The following MGRN1 variants were observed in gnomAD, a reference collection of about 807,000 sequenced individuals.
MGRN1 encodes the protein mahogunin ring finger 1, also known as E3 ubiquitin-protein ligase MGRN1.
In MGRN1, 29 loss-of-function variants were observed where a neutral mutation model predicts 69.2. The ratio of observed to expected loss-of-function variants is 0.42; its 90% CI spans 0.31 to 0.57. The LOEUF (loss-of-function observed/expected upper bound fraction) is 0.57. Ranked by LOEUF, MGRN1 falls within the 20% of genes least tolerant of loss-of-function variation. MGRN1 has a pLI of 0.15. For missense variants in MGRN1, 998 were observed against 796.2 expected (o/e 1.25, Z -3.05); for synonymous variants, 470 against 344.2 (o/e 1.37, Z -4.04).
In MGRN1 at chr16:4,673,665, C is replaced by T. The variant is rs1596308394; in HGVS notation, c.955+8C>T. ...GCCCCATCTGCCGGCTGCGTGAGTTCCCCGGCCGGCTGTTCTGTGGAAGGT... is the reference window on the plus strand; with the variant it reads ...GCCCCATCTGCCGGCTGCGTGAGTTTCCCGGCCGGCTGTTCTGTGGAAGGT... On this transcript the variant is annotated splice_region_variant and intron_variant, in intron 10 of 16. Transcript: ENST00000262370. 3 of 1,611,862 alleles carry T rather than the reference C, an allele frequency of 1.9e-6. No homozygotes were observed. The highest frequency in any genetic ancestry group is 2.5e-6 in the Non-Finnish European group (3 of 1,179,476).
chr16:4,649,853 A>C (rs2078361601), intron 1 of MGRN1: 1 of 154,778 alleles, frequency 6.5e-6, no homozygotes, highest in African/African-American at 2.4e-5. Context: ...CCAGGAGGCC[A>C]CCTTGGAAGG....
chr16:4,672,313 C>G (rs1276082651), intron 9 of MGRN1: 1 of 456,280 alleles, frequency 2.2e-6, no homozygotes, highest in Non-Finnish European at 4.4e-6. Flanking sequence ...TCCCAAAGTG[C>G]TGGGATTTCA....
chr16:4,688,788 A>G lies in MGRN1; in HGVS notation c.1619-8A>G. The G allele has an allele frequency of 6.5e-7, 1 of 1,539,022 alleles. No individual in the cohort carries two copies. The highest frequency in any genetic ancestry group is 8.8e-7 in the Non-Finnish European group (1 of 1,137,896). On this transcript the variant is annotated splice_polypyrimidine_tract_variant and splice_region_variant and intron_variant, in intron 16 of 16. Coordinates refer to ENST00000262370, the MANE Select transcript of MGRN1 (RefSeq NM_015246.4). Reference sequence around the variant, plus strand: ...GTGTGACCCTCCTCCCTCTGCTCCCACCTGCAGGACGGCCCACCTCCATGG... The same window carrying G: ...GTGTGACCCTCCTCCCTCTGCTCCCGCCTGCAGGACGGCCCACCTCCATGG...
intron 11 of MGRN1, among the ~76,000 whole-genome samples, chr16:4,679,326 TGAGTGAGCTGGGCGGCCGGGGTCC>T (rs1166855119): frequency 2.0e-5 from 3 of 152,176 alleles, no homozygotes; most frequent in African/African-American, 7.2e-5. Flanking sequence ...CCTCTTATGC[TGAGTGAGCTGGGCGGCCGGGGTCC>T]GAGGTGTGAC....
chr16:4,684,624 G>T (rs1270102362), intron 16 of MGRN1, among the ~76,000 whole-genome samples: 1 of 152,268 alleles, frequency 6.6e-6, no homozygotes, highest in Non-Finnish European at 1.5e-5. Flanking sequence ...CTTTCCCGGA[G>T]GCTCGGGCCC....
intron 1 of MGRN1, among the ~76,000 whole-genome samples, chr16:4,645,810 C>T (rs555652395): frequency 6.6e-6 from 1 of 152,220 alleles, no homozygotes; most frequent in Non-Finnish European, 1.5e-5. Flanking sequence ...GCTGGGACGC[C>T]AGCAGAGTTT....
chr16:4,644,763 G>A (rs531778556), intron 1 of MGRN1, among the ~76,000 whole-genome samples: 7 of 152,122 alleles, frequency 4.6e-5, no homozygotes, highest in Admixed American at 1.3e-4. Flanking sequence ...CACAACTTAC[G>A]TCCTTCCAGT....
At chr16:4,625,407 A>G (rs1162460902) in intron 1 of MGRN1, among the ~76,000 whole-genome samples, 2 of 150,122 alleles carry the variant, frequency 1.3e-5, no homozygotes, top group African/African-American at 4.9e-5. Context: ...TGCCTAGAAA[A>G]CTCTCATTGT....
At chr16:4,625,674 C>G (rs1440510740) in intron 1 of MGRN1, among the ~76,000 whole-genome samples, 3 of 152,214 alleles carry the variant, frequency 2.0e-5, no homozygotes, top group South Asian at 2.1e-4. Flanking sequence ...GAGGAAGTGA[C>G]TGCCAAGATC....
At chr16:4,636,947 G>A (rs1006910080) in intron 1 of MGRN1, among the ~76,000 whole-genome samples, 5 of 151,278 alleles carry the variant, frequency 3.3e-5, no homozygotes, top group Non-Finnish European at 5.9e-5. Flanking sequence ...GTAAAACCCC[G>A]TCTCTACTAA....
At position 4,680,047 on chromosome 16, in the gene MGRN1, T is replaced by G. The variant is rs775740684; in HGVS notation, c.1081T>G (p.Ser361Ala). 1 of 1,613,944 alleles carries G rather than the reference T, an allele frequency of 6.2e-7. No homozygotes were observed. Among genetic ancestry groups the G allele is most frequent in the Non-Finnish European group, 8.5e-7 (1 of 1,179,924 alleles). The change falls in exon 12 of 17, where the codon TCA (serine) becomes GCA (alanine). Residue 361 changes from serine to alanine, a missense_variant. By Grantham distance (99) the Ser-to-Ala change is moderately conservative. Transcript: ENST00000262370. ...HDEHSCPFKK[S>A]KPHPASLASK... ...ATCTTGACAGTGTCCCTTTAAAAAA[T>G]CAAAGCCGCACCCCGCCTCCCTGGC...
At chr16:4,666,701 G>A (rs567843426) in intron 7 of MGRN1, among the ~76,000 whole-genome samples, 2 of 152,152 alleles carry the variant, frequency 1.3e-5, no homozygotes, top group Admixed American at 6.5e-5. Context: ...TGCTCCTTCC[G>A]CCACCTGCCT....
At chr16:4,684,389 C>T (rs1477430615) in intron 16 of MGRN1, among the ~76,000 whole-genome samples, 1 of 152,246 alleles carries the variant, frequency 6.6e-6, no homozygotes, top group African/African-American at 2.4e-5. Flanking sequence ...TGCCTGAGAG[C>T]TGCAGACAGA....
Position 4,683,886 on chromosome 16 carries a change from C to T in MGRN1, c.1572C>T (p.Ser524=). 6.2e-7 allele frequency: 1 copy of T among 1,613,152 alleles called. No individual in the cohort carries two copies. Among genetic ancestry groups the T allele is most frequent in the Non-Finnish European group, 8.5e-7 (1 of 1,179,904 alleles). The part of the protein sequence containing the change: ...ASIENVLQDS[S]PEHCGRGPPA... ...TTGAGAATGTCCTGCAGGACAGCAG[C>T]CCCGAGCACTGTGGCCGAGGCCCAC... The change falls in exon 16 of 17, where the codon AGC becomes AGT. Residue 524 remains serine, a synonymous_variant. Transcript: ENST00000262370.
chr16:4,687,995 T>C, intron 16 of MGRN1: 1 of 985,356 alleles, frequency 1.0e-6, no homozygotes, highest in Non-Finnish European at 1.2e-6. Flanking sequence ...AATGTCACGA[T>C]TCAGGTCAAG....
At chr16:4,658,830 C>T (rs889182117) in intron 5 of MGRN1, 1 of 152,122 alleles carries the variant, frequency 6.6e-6, no homozygotes, top group South Asian at 2.1e-4. Flanking sequence ...AACCTTGTCT[C>T]TATGAAAAAT....
intron 16 of MGRN1, chr16:4,686,760 C>T: frequency 2.0e-6 from 2 of 997,412 alleles, no homozygotes; most frequent in Non-Finnish European, 2.4e-6. Flanking sequence ...CCGGATGGTC[C>T]CACCATGAGT....
chr16:4,642,180 G>C (rs976474155), intron 1 of MGRN1, among the ~76,000 whole-genome samples: 1 of 151,084 alleles, frequency 6.6e-6, no homozygotes, highest in African/African-American at 2.4e-5. Context: ...GCCCAGGCTG[G>C]AGTGCAGTGG....
chr16:4,636,134 C>T (rs561279115), intron 1 of MGRN1, among the ~76,000 whole-genome samples: 1 of 152,202 alleles, frequency 6.6e-6, no homozygotes, highest in South Asian at 2.1e-4. Flanking sequence ...ATGTACAGCT[C>T]ATTAATGTGC....
Sources: gnomAD v4.1 joint callset for allele counts (sites outside exome capture counted in the v4.1 genomes callset) on GRCh38, gnomAD v4.1.1 for gene constraint, MANE v1.5 for transcripts, NCBI Gene and HGNC (gene_info 2026-07-23, HGNC 2026-07-21) for gene names.